The following CHRM3 variants were observed in gnomAD, a reference collection of about 807,000 sequenced individuals.
CHRM3 encodes the protein cholinergic receptor muscarinic 3.
Under a neutral mutation model 41.8 loss-of-function variants are expected in CHRM3, and 11 were observed. The ratio of observed to expected loss-of-function variants is 0.26; its 90% CI spans 0.17 to 0.44. The LOEUF (loss-of-function observed/expected upper bound fraction) is 0.44. Ranked by LOEUF, CHRM3 falls within the 20% of genes least tolerant of loss-of-function variation. The pLI, the probability that CHRM3 is intolerant of heterozygous loss-of-function variation, is 1.00. For missense variants in CHRM3, 571 were observed against 745.4 expected (o/e 0.77, Z 2.72); for synonymous variants, 297 against 301.4 (o/e 0.99, Z 0.15).
chr1:239,735,795 A>G (rs1007247101), intron 5 of CHRM3, among the ~76,000 whole-genome samples: 1 of 152,162 alleles, frequency 6.6e-6, no homozygotes, highest in Non-Finnish European at 1.5e-5. Context: ...ACATTATTAT[A>G]CAATTTACAA....
intron 1 of CHRM3, among the ~76,000 whole-genome samples, chr1:239,412,303 T>TGCCTCCCTCCC (rs1661152671): frequency 2.6e-3 from 1 of 386 alleles, no homozygotes; most frequent in Non-Finnish European, 4.4e-3. Context: ...CTCACCCTTC[T>TGCCTCCCTCCC]TTCCTCCCTT....
At chr1:239,869,704 C>G (rs1418933639) in intron 6 of CHRM3, among the ~76,000 whole-genome samples, 1 of 152,200 alleles carries the variant, frequency 6.6e-6, no homozygotes, top group East Asian at 1.9e-4. Context: ...TTAATTGCCC[C>G]TGATTAAGTA....
At chr1:239,813,316 T>A (rs1229066289) in intron 5 of CHRM3, among the ~76,000 whole-genome samples, 1 of 152,092 alleles carries the variant, frequency 6.6e-6, no homozygotes, top group East Asian at 1.9e-4. Context: ...AGGTACTTAC[T>A]GTATTCTCTC....
chr1:239,684,670 GAAAA>G (rs1171493210), intron 5 of CHRM3, among the ~76,000 whole-genome samples: 1 of 122,652 alleles, frequency 8.2e-6, no homozygotes, highest in African/African-American at 3.1e-5. Flanking sequence ...AAAAAAGAAA[GAAAA>G]AAAGGAAGGA....
At chr1:239,676,439 A>G (rs762063869) in intron 4 of CHRM3, among the ~76,000 whole-genome samples, 6 of 152,184 alleles carry the variant, frequency 3.9e-5, no homozygotes, top group Non-Finnish European at 7.3e-5. Context: ...CCATGCTTGC[A>G]TTTATGATAT....
At chr1:239,556,517 A>G (rs12074530) in intron 3 of CHRM3, among the ~76,000 whole-genome samples, 16,483 of 152,208 alleles carry the variant, frequency 0.11, 936 homozygotes, top group African/African-American at 0.13. Context: ...TGTTTGCCAA[A>G]GTGAAAATTG....
At chr1:239,866,376 G>A (rs1223746036) in intron 6 of CHRM3, among the ~76,000 whole-genome samples, 1 of 151,766 alleles carries the variant, frequency 6.6e-6, no homozygotes, top group Non-Finnish European at 1.5e-5. Flanking sequence ...CTCCAGCCTG[G>A]GCGACAGAGC....
At chr1:239,899,484 A>G (rs1679321427) in intron 6 of CHRM3, among the ~76,000 whole-genome samples, 1 of 120,670 alleles carries the variant, frequency 8.3e-6, no homozygotes, top group Admixed American at 7.6e-5. Flanking sequence ...GTGTATATAT[A>G]CTCACACACA....
Position 239,587,425 on chromosome 1 carries a change from C to T in CHRM3, c.-313+41676C>T, listed in dbSNP as rs73122635. 8.7e-3 allele frequency among the ~76,000 whole-genome samples: 1,328 copies of T among 152,284 alleles called. 43 individuals carry two copies. In the East Asian group the frequency reaches 0.11, roughly 13 times the overall value. On this transcript the variant is annotated intron_variant, in intron 3 of 6. Coordinates refer to ENST00000676153, the MANE Select transcript of CHRM3 (RefSeq NM_001375978.1). ...AGATATAAGCTAGATAGAGAGTCCT[C>T]CCCTCCCGCTTTGCCTTCCCCTGCC...
chr1:239,528,458 G>A (rs1306932900), intron 2 of CHRM3, among the ~76,000 whole-genome samples: 1 of 152,190 alleles, frequency 6.6e-6, no homozygotes, highest in East Asian at 1.9e-4. Context: ...TAAATAAGGT[G>A]CTCTTCTGTA....
intron 5 of CHRM3, among the ~76,000 whole-genome samples, chr1:239,761,944 G>C (rs752747038): frequency 1.3e-5 from 2 of 152,140 alleles, no homozygotes; most frequent in Non-Finnish European, 1.5e-5. Context: ...CCTGAGCTCT[G>C]TTTGAACGTC....
intron 3 of CHRM3, among the ~76,000 whole-genome samples, chr1:239,608,685 AC>A (rs1286340302): frequency 1.3e-5 from 2 of 152,208 alleles, no homozygotes; most frequent in African/African-American, 4.8e-5. Context: ...GCACAGGAAC[AC>A]GAACGAAGGT....
rs181255955 is a variant in CHRM3 at position 239,546,037 on chromosome 1, A to G, written c.-313+288A>G. The G allele has an allele frequency of 2.0e-4, 31 of 152,290 alleles. 1 individual carries two copies. In the East Asian group the frequency reaches 5.8e-3, roughly 28 times the overall value. The allele number at this position is 152,290 out of a possible 1,614,324, so 9.4% of individuals were successfully genotyped here. A position where few individuals can be genotyped will look rare whatever the true frequency, so the allele number is the denominator to read the frequency against. On this transcript the variant is annotated intron_variant, in intron 3 of 6. Transcript: ENST00000676153. ...TTTTTTAACTGAATTAAGAAACGTC[A>G]CTGGACAGTTTCGATGTCTTCTGGT... is the stretch of plus-strand genomic sequence containing the variant.
At chr1:239,546,335 G>A (rs1444609401) in intron 3 of CHRM3, 1 of 152,054 alleles carries the variant, frequency 6.6e-6, no homozygotes, top group Non-Finnish European at 1.5e-5. Context: ...GAAAGGAATC[G>A]TTTCTGCTTT....
At chr1:239,834,310 CTTTTTTTTTTT>C (rs71168857) in intron 6 of CHRM3, among the ~76,000 whole-genome samples, 5 of 118,306 alleles carry the variant, frequency 4.2e-5, no homozygotes, top group Admixed American at 1.7e-4. Context: ...AACTTAATGC[CTTTTTTTTTTT>C]TTTTTTTTTG....
intron 1 of CHRM3, among the ~76,000 whole-genome samples, chr1:239,459,578 A>C (rs1336917115): frequency 6.6e-6 from 1 of 152,218 alleles, no homozygotes; most frequent in Admixed American, 6.5e-5. Flanking sequence ...TCTTCAATTA[A>C]GATTGATAAT....
chr1:239,837,561 T>C (rs1458236545), intron 6 of CHRM3, among the ~76,000 whole-genome samples: 2 of 152,212 alleles, frequency 1.3e-5, no homozygotes, highest in East Asian at 1.9e-4. Flanking sequence ...ATGTTATATA[T>C]GTTTTAAGTT....
intron 6 of CHRM3, among the ~76,000 whole-genome samples, chr1:239,862,700 C>T (rs1675738898): frequency 6.6e-6 from 1 of 152,130 alleles, no homozygotes; most frequent in East Asian, 1.9e-4. Flanking sequence ...CTAAGACTCC[C>T]AGTCTGCTTC....
At position 239,908,369 on chromosome 1, in the gene CHRM3, G is replaced by A. The variant is rs545390756; in HGVS notation, c.918G>A (p.Arg306=). 6.2e-7 allele frequency: 1 copy of A among 1,613,948 alleles called. No individual in the cohort carries two copies. The highest frequency in any genetic ancestry group is 1.3e-5 in the African/African-American group (1 of 74,918). The change falls in exon 7 of 7, where the codon AGG becomes AGA. Residue 306 remains arginine, a synonymous_variant. Transcript: ENST00000676153. The surrounding 1 kb of genome is among the most constrained non-coding windows in gnomAD (Gnocchi z 7.2). ...QQQSMKRSNR[R]KYGRCHFWFT... is the part of the protein sequence containing the mutation. Reference sequence around the variant, plus strand: ...AAAGCATGAAACGCTCCAACAGGAGGAAGTATGGCCGCTGCCACTTCTGGT... The same window carrying A: ...AAAGCATGAAACGCTCCAACAGGAGAAAGTATGGCCGCTGCCACTTCTGGT...
Sources: allele counts gnomAD v4.1 joint callset (sites outside exome capture counted in the v4.1 genomes callset), GRCh38; gene constraint gnomAD v4.1.1; non-coding constraint Gnocchi (gnomAD v3.1); transcripts MANE v1.5; gene names NCBI Gene and HGNC (gene_info 2026-07-23, HGNC 2026-07-21).